Variants in SYT1 observed in about 807,000 individuals in gnomAD.
The protein encoded by SYT1 is synaptotagmin 1, also known as synaptotagmin-1.
SYT1 carries 8 observed loss-of-function variants against 44.8 expected under a neutral mutation model. That is an observed-to-expected ratio of 0.18 (90% confidence interval 0.10 to 0.32). SYT1 has a LOEUF of 0.32. Ranked by LOEUF, SYT1 falls within the 10% of genes least tolerant of loss-of-function variation. SYT1 has a pLI of 1.00. For synonymous variants in SYT1, 154 were observed against 188.8 expected, an observed-to-expected ratio of 0.82 and a Z score of 1.51; for missense variants, 286 against 509.3, an observed-to-expected ratio of 0.56 and a Z score of 4.22.
chr12:79,179,361 G>GATATATCGATATATCTATATCA (rs1555204847), intron 3 of SYT1, among the ~76,000 whole-genome samples: 1 of 2,302 alleles, frequency 4.3e-4, no homozygotes, highest in South Asian at 0.01. Flanking sequence ...TATCGATATA[G>GATATATCGATATATCTATATCA]ATATAGATAT....
At chr12:79,308,612 A>AG (rs1555216101) in intron 8 of SYT1, among the ~76,000 whole-genome samples, 1 of 134,240 alleles carries the variant, frequency 7.4e-6, no homozygotes, top group African/African-American at 2.8e-5. Context: ...GAAAGAAAGA[A>AG]AAAGAAAGAA....
intron 9 of SYT1, among the ~76,000 whole-genome samples, chr12:79,419,580 T>G (rs1868976082): frequency 6.6e-6 from 1 of 152,218 alleles, no homozygotes; most frequent in South Asian, 2.1e-4. Flanking sequence ...TGGCAAGTGC[T>G]TCATACATTT....
chr12:79,213,589 T>C (rs555261178), intron 3 of SYT1, among the ~76,000 whole-genome samples: 4 of 152,350 alleles, frequency 2.6e-5, no homozygotes, highest in Admixed American at 6.5e-5. Flanking sequence ...GAGTAGAATA[T>C]CTTTTTTTCT....
At chr12:79,073,847 C>T (rs913267167) in intron 3 of SYT1, among the ~76,000 whole-genome samples, 9 of 152,144 alleles carry the variant, frequency 5.9e-5, no homozygotes, top group African/African-American at 2.2e-4. Context: ...GCACAGGCAC[C>T]TATCTGTCTT....
chr12:79,389,012 A>C (rs1248573973), intron 9 of SYT1, among the ~76,000 whole-genome samples: 3 of 152,200 alleles, frequency 2.0e-5, no homozygotes, highest in Non-Finnish European at 4.4e-5. Flanking sequence ...AAACTTTGTT[A>C]TCCCATGATG....
intron 9 of SYT1, among the ~76,000 whole-genome samples, chr12:79,419,541 C>T (rs1868973198): frequency 6.6e-6 from 1 of 152,078 alleles, no homozygotes; most frequent in South Asian, 2.1e-4. Flanking sequence ...TTACACTGCC[C>T]AATGTGGAAA....
chr12:79,093,499 A>T, intron 3 of SYT1, among the ~76,000 whole-genome samples: 1 of 151,708 alleles, frequency 6.6e-6, no homozygotes, highest in East Asian at 1.9e-4. Context: ...CTTGTTTTTA[A>T]AAGAGAAGAC....
intron 3 of SYT1, among the ~76,000 whole-genome samples, chr12:79,200,456 G>A (rs1301909312): frequency 3.3e-5 from 5 of 152,126 alleles, no homozygotes; most frequent in Non-Finnish European, 7.4e-5. Context: ...TCTGAGTAAT[G>A]TGGACAGGGT....
intron 9 of SYT1, among the ~76,000 whole-genome samples, chr12:79,413,750 G>A (rs1439671717): frequency 1.3e-5 from 2 of 152,116 alleles, no homozygotes; most frequent in Admixed American, 6.6e-5. Context: ...ATTAATGTAA[G>A]AGAAAGTTTG....
intron 3 of SYT1, among the ~76,000 whole-genome samples, chr12:79,060,551 G>C (rs1356021): frequency 0.21 from 31,651 of 151,804 alleles, 3,775 homozygotes; most frequent in African/African-American, 0.31. Flanking sequence ...TTCTAACTAC[G>C]TCATATAAGT....
intron 4 of SYT1, among the ~76,000 whole-genome samples, chr12:79,255,270 C>T (rs920979844): frequency 1.3e-5 from 2 of 152,180 alleles, no homozygotes; most frequent in Non-Finnish European, 2.9e-5. Flanking sequence ...GAAGCAAGAC[C>T]CTGCACCTGC....
At chr12:78,936,204 C>T (rs531870429) in intron 1 of SYT1, among the ~76,000 whole-genome samples, 142 of 150,600 alleles carry the variant, frequency 9.4e-4, no homozygotes, top group African/African-American at 3.2e-3. Flanking sequence ...AAAGGTTAAC[C>T]GATGAAAATA....
intron 1 of SYT1, among the ~76,000 whole-genome samples, chr12:78,895,171 A>G (rs557494587): frequency 1.3e-5 from 2 of 151,886 alleles, no homozygotes; most frequent in East Asian, 1.9e-4. Flanking sequence ...ATATTTATTG[A>G]AATGAGTAAC....
At chr12:78,889,194 G>A (rs1459763956) in intron 1 of SYT1, among the ~76,000 whole-genome samples, 2 of 151,616 alleles carry the variant, frequency 1.3e-5, no homozygotes, top group African/African-American at 4.8e-5. Flanking sequence ...TTCTTATCCT[G>A]GCATCCATGT....
intron 1 of SYT1, among the ~76,000 whole-genome samples, chr12:78,953,826 A>G (rs897993021): frequency 6.6e-6 from 1 of 152,054 alleles, no homozygotes; most frequent in African/African-American, 2.4e-5. Flanking sequence ...AGTGCATCAG[A>G]TTTTTTATTG....
chr12:79,334,942 G>A (rs1882020500), intron 8 of SYT1, among the ~76,000 whole-genome samples: 1 of 151,970 alleles, frequency 6.6e-6, no homozygotes, highest in African/African-American at 2.4e-5. Context: ...CACAAAGCTG[G>A]TCTTTTTTAT....
intron 3 of SYT1, among the ~76,000 whole-genome samples, chr12:79,152,621 A>G (rs1348324949): frequency 1.3e-5 from 2 of 152,086 alleles, no homozygotes; most frequent in East Asian, 3.9e-4. Context: ...TATCTATTCT[A>G]TGAGAAATTG....
chr12:78,931,993 A>C (rs1356001568), intron 1 of SYT1, among the ~76,000 whole-genome samples: 1 of 146,688 alleles, frequency 6.8e-6, no homozygotes, highest in East Asian at 2.1e-4. Flanking sequence ...AAAGATGAGC[A>C]CATCTGAGTC....
intron 4 of SYT1, among the ~76,000 whole-genome samples, chr12:79,219,264 A>C (rs1005135942): frequency 6.6e-6 from 1 of 151,912 alleles, no homozygotes; most frequent in Non-Finnish European, 1.5e-5. Flanking sequence ...CCCTTATCAG[A>C]TGTATAGTTT....
Sources: gnomAD v4.1 joint callset for allele counts (sites outside exome capture counted in the v4.1 genomes callset) on GRCh38, gnomAD v4.1.1 for gene constraint, MANE v1.5 for transcripts, NCBI Gene and HGNC (gene_info 2026-07-23, HGNC 2026-07-21) for gene names.